The following SH3D19 variants were observed in gnomAD, a reference collection of about 807,000 sequenced individuals.
The protein encoded by SH3D19 is SH3 domain-containing protein 19.
In SH3D19, 58 loss-of-function variants were observed where a neutral mutation model predicts 112.1. The ratio of observed to expected loss-of-function variants is 0.52; its 90% CI spans 0.42 to 0.64. The LOEUF (loss-of-function observed/expected upper bound fraction) is 0.64, where lower values mean the gene tolerates loss of function less well. Among genes scored for constraint, SH3D19 ranks in the 30% least tolerant of loss-of-function variants. The probability of loss-of-function intolerance (pLI) is 0.00; values close to 1 mark genes in which losing one functional copy is unlikely to be tolerated. For synonymous variants in SH3D19, 391 were observed against 448.5 expected (o/e 0.87, Z 1.62); for missense variants, 1,090 against 1,263.4 (o/e 0.86, Z 2.08).
intron 1 of SH3D19, among the ~76,000 whole-genome samples, chr4:151,237,334 A>C (rs75937460): frequency 0.038 from 5,824 of 152,206 alleles, 324 homozygotes; most frequent in African/African-American, 0.13. Flanking sequence ...TCTATCACTT[A>C]TATATCTTTG....
intron 3 of SH3D19, among the ~76,000 whole-genome samples, chr4:151,182,080 C>T (rs1364550654): frequency 1.3e-5 from 2 of 152,056 alleles, no homozygotes; most frequent in African/African-American, 4.8e-5. Context: ...CCTCGACTTC[C>T]CTGGCTCAAG....
At chr4:151,234,766 T>TAG (rs1561387899) in intron 1 of SH3D19, among the ~76,000 whole-genome samples, 1 of 87,152 alleles carries the variant, frequency 1.1e-5, no homozygotes, top group Non-Finnish European at 2.1e-5. Context: ...TTTTTTTTTT[T>TAG]AGACAGGGGC....
chr4:151,248,948 G>A (rs1169326616), intron 1 of SH3D19, among the ~76,000 whole-genome samples: 1 of 151,970 alleles, frequency 6.6e-6, no homozygotes, highest in African/African-American at 2.4e-5. Context: ...TTTTTCTCTT[G>A]TCAACTCAAT....
rs180992725 is a variant in SH3D19, at chr4:151,201,303, C to A, written c.153-13840G>T. ...TGTGAATAACAAAAATGAATTACAG[C>A]ATGCATACAACTTCAAATCTCTGTA... On this transcript the variant is annotated intron_variant, in intron 2 of 19. Coordinates refer to ENST00000604030, the MANE Select transcript of SH3D19 (RefSeq NM_001378122.1). 8.5e-5 allele frequency among the ~76,000 whole-genome samples: 13 copies of A among 152,336 alleles called. No homozygotes were observed. In the East Asian group the frequency reaches 2.5e-3, roughly 29 times the overall value.
At chr4:151,179,908 C>T (rs952631277) in intron 3 of SH3D19, among the ~76,000 whole-genome samples, 7 of 152,170 alleles carry the variant, frequency 4.6e-5, no homozygotes, top group African/African-American at 1.7e-4. Context: ...GAGACAGGGT[C>T]TCACCCTGTT....
At chr4:151,178,573 A>G (rs1176073540) in intron 4 of SH3D19, among the ~76,000 whole-genome samples, 1 of 152,228 alleles carries the variant, frequency 6.6e-6, no homozygotes, top group African/African-American at 2.4e-5. Flanking sequence ...CTTGTGATGT[A>G]GGTATGATTA....
chr4:151,250,367 T>G (rs555969069), intron 1 of SH3D19, among the ~76,000 whole-genome samples: 1 of 152,174 alleles, frequency 6.6e-6, no homozygotes, highest in African/African-American at 2.4e-5. Context: ...TTAAGTTGCA[T>G]GTAGAATGAT....
At chr4:151,158,653 T>TC in intron 9 of SH3D19, among the ~76,000 whole-genome samples, 1 of 145,806 alleles carries the variant, frequency 6.9e-6, no homozygotes, top group Non-Finnish European at 1.5e-5. Flanking sequence ...CATGTCTGTT[T>TC]CCCCAAGAAA....
Position 151,320,168 on chromosome 4 carries a change from A to G in SH3D19, c.112+5073T>C, listed in dbSNP as rs117495899. Among the ~76,000 whole-genome samples, 1,445 of 152,346 alleles carry G rather than the reference A, an allele frequency of 9.5e-3. 90 individuals are homozygous for G. The South Asian group carries it at 0.18, about 19-fold the overall frequency. ...TTTTACTCAAAGCACAACAGACAACAGTTATATCAGTCCTTCCAGGGTTTA... is the reference window on the plus strand; with the variant it reads ...TTTTACTCAAAGCACAACAGACAACGGTTATATCAGTCCTTCCAGGGTTTA... On this transcript the variant is annotated intron_variant, in intron 1 of 19. Transcript: ENST00000604030.
intron 1 of SH3D19, among the ~76,000 whole-genome samples, chr4:151,258,825 C>T (rs562248757): frequency 3.3e-5 from 5 of 152,152 alleles, no homozygotes; most frequent in African/African-American, 1.2e-4. Context: ...TCCCCACTGG[C>T]CTCTCCCTGG....
intron 10 of SH3D19, among the ~76,000 whole-genome samples, chr4:151,149,148 C>G (rs1413803015): frequency 6.6e-6 from 1 of 152,180 alleles, no homozygotes; most frequent in Non-Finnish European, 1.5e-5. Context: ...TCTGAGCTCA[C>G]AAAGCCAGTC....
At chr4:151,159,451 A>G in intron 8 of SH3D19, 99 bp from the exon 9 acceptor site, 1 of 708,524 alleles carries the variant, frequency 1.4e-6, no homozygotes, top group Non-Finnish European at 2.3e-6. Context: ...TGGCTATCAT[A>G]AAAGATACAC....
chr4:151,298,596 TAGGCAGTCTAG>T (rs1188749004), intron 1 of SH3D19, among the ~76,000 whole-genome samples: 1 of 152,092 alleles, frequency 6.6e-6, no homozygotes. Context: ...AGATGCTGAA[TAGGCAGTCTAG>T]AGTTCAGAAG....
intron 1 of SH3D19, among the ~76,000 whole-genome samples, chr4:151,269,112 G>A (rs1010835647): frequency 3.3e-5 from 5 of 152,182 alleles, no homozygotes; most frequent in Non-Finnish European, 7.3e-5. Flanking sequence ...GTTGTTTCCT[G>A]ACTTTCTAAT....
intron 2 of SH3D19, among the ~76,000 whole-genome samples, chr4:151,197,680 C>T (rs1417019305): frequency 1.3e-5 from 2 of 152,158 alleles, no homozygotes; most frequent in Admixed American, 1.3e-4. Context: ...TGTGTTTAGA[C>T]AGCAGAAGGG....
chr4:151,159,923 TAAG>T (rs1174108993), intron 8 of SH3D19, among the ~76,000 whole-genome samples: 1 of 152,080 alleles, frequency 6.6e-6, no homozygotes, highest in Non-Finnish European at 1.5e-5. Context: ...AAACTGAAGC[TAAG>T]AAGAAAATAA....
chr4:151,206,607 G>A (rs970183563), intron 2 of SH3D19, among the ~76,000 whole-genome samples: 1 of 152,086 alleles, frequency 6.6e-6, no homozygotes, highest in African/African-American at 2.4e-5. Context: ...GAGTATGTTA[G>A]GTATGTGACT....
chr4:151,159,480 G>C (rs1756761843), intron 8 of SH3D19, 128 bp from the exon 9 acceptor site: 1 of 610,178 alleles, frequency 1.6e-6, no homozygotes, highest in Admixed American at 3.9e-5. Context: ...TTAAGCAAAT[G>C]AGAAAGAGCT....
chr4:151,261,310 G>C (rs1772361205), intron 1 of SH3D19: 2 of 152,216 alleles, frequency 1.3e-5, no homozygotes, highest in Admixed American at 1.3e-4. Flanking sequence ...GGTGGGCTCA[G>C]ATCTTTGGTT....
Sources: gnomAD v4.1 joint callset for allele counts (sites outside exome capture counted in the v4.1 genomes callset) on GRCh38, gnomAD v4.1.1 for gene constraint, MANE v1.5 for transcripts, NCBI Gene and HGNC (gene_info 2026-07-23, HGNC 2026-07-21) for gene names.